CUEDC1: variants seen among roughly 807,000 people sequenced by gnomAD.
CUEDC1 encodes the protein CUE domain containing 1.
A neutral mutation model predicts 43.7 loss-of-function variants in CUEDC1; 30 were observed. The observed-to-expected ratio is 0.69, with a 90% CI of 0.51 to 0.93. The LOEUF is 0.93. CUEDC1 is among the 40% of genes least tolerant of loss of function. CUEDC1 has a pLI of 0.00. For missense variants in CUEDC1, 486 were observed against 549.0 expected (o/e 0.89, Z 1.15); for synonymous variants, 223 against 223.6 (o/e 1.00, Z 0.02).
At chr17:57,879,578 C>T (rs1259008885) in intron 3 of CUEDC1, 33 bp downstream of exon 3, 1 of 1,554,672 alleles carries the variant, frequency 6.4e-7, no homozygotes, top group South Asian at 1.2e-5. Flanking sequence ...TCTTCCCTGC[C>T]ACCCTGTGCT....
At chr17:57,918,020 CT>C (rs68056500) in intron 1 of CUEDC1, among the ~76,000 whole-genome samples, 12,987 of 152,252 alleles carry the variant, frequency 0.085, 614 homozygotes, top group African/African-American at 0.11. Context: ...CCCCTGCTGT[CT>C]CACTGAGAGG....
chr17:57,879,831 A>G (rs1415237434), intron 2 of CUEDC1, 93 bp from the exon 3 acceptor site: 1 of 1,285,064 alleles, frequency 7.8e-7, no homozygotes, highest in Non-Finnish European at 1.1e-6. Flanking sequence ...GGGCAGGTAT[A>G]ATAAAGGAAC....
rs1199051532 is a variant in CUEDC1, at chr17:57,866,529, C to T, written c.1109G>A (p.Gly370Asp). Residue 370 changes from glycine to aspartate, a missense_variant, in exon 10 of 11, where the codon GGC (glycine) becomes GAC (aspartate). By Grantham distance (94) the Gly-to-Asp change is moderately conservative. Transcript: ENST00000577830. Reference protein sequence around the residue: ...EGHACDEDFRGRRQEAPKVEE... With the variant: ...EGHACDEDFRDRRQEAPKVEE... ...CACCTTGGGTGCCTCCTGACGCCTG[C>T]CCCGGAAGTCTTCATCTGAAAAGGA... 4 of 1,614,130 alleles carry T rather than the reference C, an allele frequency of 2.5e-6. No homozygotes were observed. Among genetic ancestry groups the T allele is most frequent in the South Asian group, 2.2e-5 (2 of 91,084 alleles).
intron 1 of CUEDC1, among the ~76,000 whole-genome samples, chr17:57,905,191 C>A (rs887980555): frequency 6.6e-6 from 1 of 151,070 alleles, no homozygotes; most frequent in East Asian, 2.0e-4. Flanking sequence ...AAGAACACTG[C>A]CACCCGGTAC....
intron 1 of CUEDC1, among the ~76,000 whole-genome samples, chr17:57,900,088 G>T (rs923376696): frequency 2.0e-5 from 3 of 152,180 alleles, no homozygotes; most frequent in African/African-American, 7.2e-5. Context: ...CCAGCTCCTA[G>T]AAGGCAGTGC....
intron 2 of CUEDC1, among the ~76,000 whole-genome samples, chr17:57,880,319 T>C (rs150925682): frequency 7.2e-5 from 11 of 152,330 alleles, no homozygotes; most frequent in African/African-American, 2.6e-4. Context: ...CTGTAGGATA[T>C]GGCTCATTAC....
In CUEDC1 at chr17:57,885,633, G is replaced by A. The variant is rs2074280442; in HGVS notation, c.-69C>T. 1.1e-5 allele frequency: 14 copies of A among 1,333,182 alleles called. No homozygotes were observed. In the South Asian group the frequency reaches 2.3e-4, roughly 22 times the overall value. 82.6% of individuals were successfully genotyped at this position (1,333,182 alleles called of 1,614,324 possible). ...GCCCCTTCCCCAGGGTCTTTCCGCC[G>A]TCAGCCGCTTACTTGCCCTGCGGTC... On this transcript the variant is annotated 5_prime_UTR_variant, in exon 2 of 11. In the 5' UTR this introduces an upstream ATG that the reference lacks. Transcript: ENST00000577830.
rs961042468 is a variant in CUEDC1 at position 57,933,448 on chromosome 17, T to G, written c.-316+21777A>C. On this transcript the variant is annotated intron_variant, in intron 1 of 10. Coordinates refer to ENST00000577830, the MANE Select transcript of CUEDC1 (RefSeq NM_001271875.2). The stretch of plus-strand genomic sequence containing the variant: ...TAATCAAAAAAGCTGGGCAAGTTCA[T>G]GAGCCCCCCTCCACCCCAATTTCAG... Among the ~76,000 whole-genome samples, 3 of 152,184 alleles carry G rather than the reference T, an allele frequency of 2.0e-5. No individual in the cohort carries two copies. The South Asian group carries it at 6.2e-4, about 32-fold the overall frequency.
chr17:57,868,776 AC>A (rs1286889087), intron 7 of CUEDC1, among the ~76,000 whole-genome samples: 4 of 151,326 alleles, frequency 2.6e-5, no homozygotes, highest in Non-Finnish European at 5.9e-5. Context: ...GAGGTCCCCC[AC>A]CCCCACAGAG....
rs1299948189 is a variant in CUEDC1 at position 57,866,563 on chromosome 17, C to CT, written c.1094-20dup. On this transcript the variant is annotated intron_variant, in intron 9 of 10. Transcript: ENST00000577830. Reference sequence around the variant, plus strand: ...TCTTCATCTGAAAAGGAGAGGGAAGCTGCCTCATCCTCTACCCTGCAGGGC... The same window carrying CT: ...TCTTCATCTGAAAAGGAGAGGGAAGCTTGCCTCATCCTCTACCCTGCAGGGC... 2.5e-5 allele frequency: 40 copies of CT among 1,613,842 alleles called. No homozygotes were observed. The highest frequency in any genetic ancestry group is 3.3e-5 in the Non-Finnish European group (39 of 1,179,824).
intron 3 of CUEDC1, among the ~76,000 whole-genome samples, chr17:57,874,541 C>T (rs2074084129): frequency 6.6e-6 from 1 of 152,216 alleles, no homozygotes; most frequent in African/African-American, 2.4e-5. Flanking sequence ...CACACACCCT[C>T]CCTGACCCCC....
rs1422453079 is a variant in CUEDC1, at chr17:57,885,899, A to G, written c.-315-20T>C. 2.8e-5 allele frequency: 6 copies of G among 214,488 alleles called. No individual in the cohort carries two copies. The highest frequency in any genetic ancestry group is 4.6e-5 in the Non-Finnish European group (5 of 109,498). 13.3% of individuals were successfully genotyped at this position (214,488 alleles called of 1,614,324 possible). A position where few individuals can be genotyped will look rare whatever the true frequency, so the allele number is the denominator to read the frequency against. On this transcript the variant is annotated intron_variant, in intron 1 of 10. Coordinates refer to ENST00000577830, the MANE Select transcript of CUEDC1 (RefSeq NM_001271875.2). ...TCCCACCTGAAACCGAAAGAGATGG[A>G]GTCAGGGCCGAGGCTAACAAAACAT...
intron 1 of CUEDC1, among the ~76,000 whole-genome samples, chr17:57,936,381 A>G (rs1598021171): frequency 6.6e-6 from 1 of 152,146 alleles, no homozygotes; most frequent in East Asian, 1.9e-4. Flanking sequence ...GAGCTTCTTC[A>G]TTTATTTTTT....
chr17:57,885,319 G>A lies in CUEDC1; in HGVS notation c.246C>T (p.Asp82=). 6.2e-7 allele frequency: 1 copy of A among 1,611,288 alleles called. No individual in the cohort carries two copies. Residue 82 remains aspartate (D), a synonymous_variant, in exon 2 of 11, where the codon GAC becomes GAT. Coordinates refer to ENST00000577830, the MANE Select transcript of CUEDC1 (RefSeq NM_001271875.2). The part of the protein sequence containing the change: ...ANSGAVDATI[D]QLLQMNLEGG... ...CCTCCAGGTTCATCTGCAGCAGCTG[G>A]TCGATGGTGGCGTCCACAGCGCCGC...
Position 57,896,487 on chromosome 17 carries a change from G to GGGGTGTGTGT in CUEDC1, c.-315-10609_-315-10608insACACACACCC, listed in dbSNP as rs375270781. 1.1e-3 allele frequency among the ~76,000 whole-genome samples: 139 copies of GGGGTGTGTGT among 130,366 alleles called. 1 individual carries two copies. Among genetic ancestry groups the GGGGTGTGTGT allele is most frequent in the East Asian group, 2.7e-3 (13 of 4,840 alleles). 85.5% of individuals were successfully genotyped at this position (130,366 alleles called of 152,430 possible). A position where few individuals can be genotyped will look rare whatever the true frequency, so the allele number is the denominator to read the frequency against. On this transcript the variant is annotated intron_variant, in intron 1 of 10. Coordinates refer to ENST00000577830, the MANE Select transcript of CUEDC1 (RefSeq NM_001271875.2). Reference sequence around the variant, plus strand: ...GTCACTCTACTATAGTGCATTATGGGGTGTGTGTGTGTGTGTGTGTGTGTG... The same window carrying GGGGTGTGTGT: ...GTCACTCTACTATAGTGCATTATGGGGGGTGTGTGTGTGTGTGTGTGTGTGTGTGTGTGTG...
At chr17:57,928,809 T>TG (rs368281940) in intron 1 of CUEDC1, among the ~76,000 whole-genome samples, 1 of 85,242 alleles carries the variant, frequency 1.2e-5, no homozygotes, top group Admixed American at 1.6e-4. Context: ...AAACTCGGGG[T>TG]GGGGGGCGGG....
chr17:57,871,074 C>CA (rs1468692210), intron 6 of CUEDC1, among the ~76,000 whole-genome samples: 1 of 152,200 alleles, frequency 6.6e-6, no homozygotes, highest in Non-Finnish European at 1.5e-5. Context: ...TGAAGCCCAG[C>CA]AGTGGCTGGA....
At chr17:57,888,568 C>A (rs777814017) in intron 1 of CUEDC1, among the ~76,000 whole-genome samples, 139 of 152,198 alleles carry the variant, frequency 9.1e-4, no homozygotes, top group Non-Finnish European at 1.4e-3. Flanking sequence ...CTTCCCATAG[C>A]CGGCTTTAGA....
At chr17:57,866,371 C>T (rs1354810564) in intron 10 of CUEDC1, 103 bp downstream of exon 10, 1 of 1,075,340 alleles carries the variant, frequency 9.3e-7, no homozygotes, top group Non-Finnish European at 1.4e-6. Context: ...ACCCAGTTGC[C>T]TGAGCCCAGC....
Sources: allele counts gnomAD v4.1 joint callset (sites outside exome capture counted in the v4.1 genomes callset), GRCh38; gene constraint gnomAD v4.1.1; transcripts MANE v1.5; gene names NCBI Gene and HGNC (gene_info 2026-07-23, HGNC 2026-07-21).